WAPL: variants seen among roughly 807,000 people sequenced by gnomAD.
The protein encoded by WAPL is wings apart-like protein homolog.
WAPL carries 5 observed loss-of-function variants against 121.0 expected under a neutral mutation model. The observed-to-expected ratio is 0.04, with a 90% CI of 0.02 to 0.09. The LOEUF (loss-of-function observed/expected upper bound fraction) is 0.09. WAPL is among the 10% of genes least tolerant of loss of function. The pLI, the probability that WAPL is intolerant of heterozygous loss-of-function variation, is 1.00. For missense variants in WAPL, 999 were observed against 1,410.8 expected, an observed-to-expected ratio of 0.71 and a Z score of 4.68; for synonymous variants, 480 against 481.5, an observed-to-expected ratio of 1.00 and a Z score of 0.04.
In WAPL at chr10:86,437,421, A is replaced by G; in HGVS notation, c.*122T>C. On this transcript the variant is annotated 3_prime_UTR_variant, in exon 19 of 19. Coordinates refer to ENST00000298767, the MANE Select transcript of WAPL (RefSeq NM_015045.5). ...AGAAATCAGGTGGCCTTAAAAATCCAAACACGAATGATACTGATGAATGTT... is the reference window on the plus strand; with the variant it reads ...AGAAATCAGGTGGCCTTAAAAATCCGAACACGAATGATACTGATGAATGTT... 9.6e-7 allele frequency: 1 copy of G among 1,045,642 alleles called. No individual in the cohort carries two copies. The highest frequency in any genetic ancestry group is 1.3e-6 in the Non-Finnish European group (1 of 746,218). 64.8% of individuals were successfully genotyped at this position (1,045,642 alleles called of 1,614,324 possible). A position where few individuals can be genotyped will look rare whatever the true frequency, so the allele number is the denominator to read the frequency against.
chr10:86,520,238 T>C (rs1448627487), intron 1 of WAPL, among the ~76,000 whole-genome samples: 2 of 152,186 alleles, frequency 1.3e-5, no homozygotes, highest in Non-Finnish European at 2.9e-5. Flanking sequence ...GAGGTTGCGG[T>C]GAGCTGAGAT....
chr10:86,505,730 A>G (rs572660397), intron 2 of WAPL, among the ~76,000 whole-genome samples: 1 of 152,346 alleles, frequency 6.6e-6, no homozygotes, highest in Middle Eastern at 3.4e-3. Flanking sequence ...AAACATAAAT[A>G]CTATAATCAT....
At chr10:86,498,676 A>G (rs1271498789) in intron 3 of WAPL, among the ~76,000 whole-genome samples, 1 of 152,224 alleles carries the variant, frequency 6.6e-6, no homozygotes, top group African/African-American at 2.4e-5. Context: ...GAAACCATGT[A>G]TCCTAGAAGC....
At chr10:86,491,136 C>CT (rs34863367) in intron 4 of WAPL, among the ~76,000 whole-genome samples, 2,170 of 102,752 alleles carry the variant, frequency 0.021, 37 homozygotes, top group Middle Eastern at 0.041. Flanking sequence ...ACTCATGGTT[C>CT]TTTTTTTTTT....
chr10:86,459,579 A>G (rs1841223774), intron 11 of WAPL, among the ~76,000 whole-genome samples: 1 of 152,216 alleles, frequency 6.6e-6, no homozygotes, highest in African/African-American at 2.4e-5. Context: ...ATTCTAATCT[A>G]TACGGAACTG....
chr10:86,482,404 T>C (rs1303355190), intron 4 of WAPL, among the ~76,000 whole-genome samples: 2 of 152,228 alleles, frequency 1.3e-5, no homozygotes, highest in African/African-American at 2.4e-5. Context: ...TGAATATATA[T>C]GTATGTATGT....
chr10:86,489,270 A>G (rs550357658), intron 4 of WAPL, among the ~76,000 whole-genome samples: 1 of 152,316 alleles, frequency 6.6e-6, no homozygotes, highest in African/African-American at 2.4e-5. Flanking sequence ...TGTTTAGGAG[A>G]CATGGGGGTG....
Position 86,472,264 on chromosome 10 carries a change from A to G in WAPL, c.1974T>C (p.Ile658=), listed in dbSNP as rs1354255721. Residue 658 remains isoleucine, a synonymous_variant, in exon 7 of 19, where the codon ATT becomes ATC. Transcript: ENST00000298767. This position sits in a 1 kb window ranked among gnomAD's most constrained non-coding sequence, Gnocchi z 4.2. Reference sequence around the variant, plus strand: ...TCTTTAAGCCACTTAACAAGTACTCAATGTCATCAGTGAACTCTTGATTTT... The same window carrying G: ...TCTTTAAGCCACTTAACAAGTACTCGATGTCATCAGTGAACTCTTGATTTT... ...FGENQEFTDD[I]EYLLSGLKST... 1 of 1,606,034 alleles carries G rather than the reference A, an allele frequency of 6.2e-7. No individual in the cohort carries two copies. Among genetic ancestry groups the G allele is most frequent in the Non-Finnish European group, 8.5e-7 (1 of 1,178,388 alleles).
intron 12 of WAPL, among the ~76,000 whole-genome samples, chr10:86,454,377 C>CCTCCACAATCTCCCTCTCCCTCTCT (rs1841078969): frequency 1.3e-5 from 2 of 152,096 alleles, no homozygotes; most frequent in Non-Finnish European, 2.9e-5. Context: ...TCTCCCTCTC[C>CCTCCACAATCTCCCTCTCCCTCTCT]CTCCACAATC....
chr10:86,452,969 G>A (rs1841026342), intron 14 of WAPL, among the ~76,000 whole-genome samples: 1 of 127,746 alleles, frequency 7.8e-6, no homozygotes, highest in Non-Finnish European at 1.6e-5. Context: ...AACCAGGGAG[G>A]CGGAGGTTGC....
chr10:86,490,784 C>T (rs1462144432), intron 4 of WAPL, among the ~76,000 whole-genome samples: 1 of 151,918 alleles, frequency 6.6e-6, no homozygotes, highest in African/African-American at 2.4e-5. Context: ...ATTTGAAGGC[C>T]GGGCGCGGTG....
chr10:86,496,454 C>A (rs150133877), intron 4 of WAPL, among the ~76,000 whole-genome samples: 1 of 151,980 alleles, frequency 6.6e-6, no homozygotes, highest in African/African-American at 2.4e-5. Flanking sequence ...TCCAAAAGAA[C>A]TGAAAGCAGA....
Position 86,437,491 on chromosome 10 carries a change from T to G in WAPL, c.*52A>C, listed in dbSNP as rs1364346484. The G allele has an allele frequency of 6.4e-7, 1 of 1,573,986 alleles. No homozygotes were observed. The highest frequency in any genetic ancestry group is 1.4e-5 in the African/African-American group (1 of 73,298). ...CTTCTTTCATGACTTGACTTTTCTT[T>G]GTCTAAGGATAGCTCCAGCATTACC... On this transcript the variant is annotated 3_prime_UTR_variant, in exon 19 of 19. Coordinates refer to ENST00000298767, the MANE Select transcript of WAPL (RefSeq NM_015045.5).
chr10:86,456,393 CTT>C (rs1335936355), intron 12 of WAPL, among the ~76,000 whole-genome samples: 1 of 141,598 alleles, frequency 7.1e-6, no homozygotes, highest in East Asian at 2.2e-4. Flanking sequence ...TCATTAAAAA[CTT>C]TATGATACCA....
chr10:86,480,564 T>C (rs1487027908), intron 4 of WAPL, among the ~76,000 whole-genome samples: 1 of 152,164 alleles, frequency 6.6e-6, no homozygotes. Context: ...CCATTAAATA[T>C]TGATGACAAG....
intron 12 of WAPL, among the ~76,000 whole-genome samples, chr10:86,454,950 C>T (rs1204548875): frequency 1.9e-4 from 28 of 150,950 alleles, no homozygotes; most frequent in Non-Finnish European, 8.8e-5. Context: ...TGAGGAGCCC[C>T]TCCGCCCGGC....
At chr10:86,440,542 G>A (rs548858671) in intron 17 of WAPL, among the ~76,000 whole-genome samples, 100 of 152,000 alleles carry the variant, frequency 6.6e-4, no homozygotes, top group African/African-American at 2.3e-3. Context: ...CTTGTGATCT[G>A]CCCACCTTGG....
chr10:86,485,944 C>A (rs1258824437), intron 4 of WAPL, among the ~76,000 whole-genome samples: 1 of 152,194 alleles, frequency 6.6e-6, no homozygotes, highest in African/African-American at 2.4e-5. Flanking sequence ...CTCTTCCATA[C>A]CTAGGCCCAG....
chr10:86,510,050 T>A (rs1589540123), intron 2 of WAPL, among the ~76,000 whole-genome samples: 1 of 136,526 alleles, frequency 7.3e-6, no homozygotes, highest in Non-Finnish European at 1.5e-5. Context: ...ATTACAGGCA[T>A]CAGCCACTCC....
Sources: allele counts gnomAD v4.1 joint callset (sites outside exome capture counted in the v4.1 genomes callset), GRCh38; gene constraint gnomAD v4.1.1; non-coding constraint Gnocchi (gnomAD v3.1); transcripts MANE v1.5; gene names NCBI Gene and HGNC (gene_info 2026-07-23, HGNC 2026-07-21).